The following DNAH10 variants were observed in gnomAD, a reference collection of about 807,000 sequenced individuals.
DNAH10 encodes the protein axonemal beta dynein heavy chain 10.
In DNAH10, 348 loss-of-function variants were observed where a neutral mutation model predicts 506.6. The ratio of observed to expected loss-of-function variants is 0.69; its 90% confidence interval spans 0.63 to 0.75. DNAH10 has a LOEUF of 0.75. DNAH10 is among the 30% of genes least tolerant of loss of function. The pLI, the probability that DNAH10 is intolerant of heterozygous loss-of-function variation, is 0.00. For missense variants in DNAH10, 5,179 were observed against 5,787.1 expected (o/e 0.89, Z 3.41); for synonymous variants, 2,059 against 2,198.6 (o/e 0.94, Z 1.78).
Position 123,879,732 on chromosome 12 carries a change from T to C in DNAH10, c.8565T>C (p.Ala2855=), listed in dbSNP as rs758715908. 1.2e-6 allele frequency: 2 copies of C among 1,614,034 alleles called. No homozygotes were observed. The highest frequency in any genetic ancestry group is 1.7e-5 in the Admixed American group (1 of 60,026). ...DPILFGDFQM[A]LHEGEPRIYE... Reference sequence around the variant, plus strand: ...TATTGTTTGGAGACTTCCAGATGGCTCTGCACGAAGGAGAACCACGCATTT... The same window carrying C: ...TATTGTTTGGAGACTTCCAGATGGCCCTGCACGAAGGAGAACCACGCATTT... Residue 2855 remains alanine (A), a synonymous_variant, in exon 50 of 79, where the codon GCT becomes GCC. Transcript: ENST00000673944.
chr12:123,796,154 T>C (rs1958269018), intron 12 of DNAH10, among the ~76,000 whole-genome samples: 1 of 152,132 alleles, frequency 6.6e-6, no homozygotes. Flanking sequence ...GCATTGCATA[T>C]GTTGAAGAAA....
Position 123,917,613 on chromosome 12 carries a change from C to G in DNAH10, c.11032C>G (p.Leu3678Val). The G allele has an allele frequency of 6.4e-7, 1 of 1,551,620 alleles. No homozygotes were observed. Among genetic ancestry groups the G allele is most frequent in the Admixed American group, 2.0e-5 (1 of 51,012 alleles). ...GCTGAAGGGCCTGGAGGACCAGCTG[C>G]TGAGCGTGCTGGTGGCTTACGAGAG... The part of the protein sequence containing the change: ...VTLKGLEDQL[L>V]SVLVAYERRE... The change falls in exon 64 of 79, where the codon CTG (leucine) becomes GTG (valine). Residue 3678 changes from leucine to valine, a missense_variant. Leu to Val is a conservative substitution (Grantham distance 32, BLOSUM62 1). Around this residue, in one of 3 missense-constraint regions of DNAH10, gnomAD observed 4,844 missense variants for 5,430.5 expected, o/e 0.89. Coordinates refer to ENST00000673944, the MANE Select transcript of DNAH10 (RefSeq NM_001372106.1). The surrounding 1 kb of genome is among the most constrained non-coding windows in gnomAD (Gnocchi z 5.6).
chr12:123,851,642 G>A (rs769935092), intron 35 of DNAH10, among the ~76,000 whole-genome samples: 28 of 152,350 alleles, frequency 1.8e-4, no homozygotes, highest in Admixed American at 1.0e-3. Context: ...TAACTCAGGT[G>A]TAGACGTTGT....
In DNAH10 at chr12:123,929,282, C is replaced by A; in HGVS notation, c.12314C>A (p.Thr4105Asn). Residue 4105 changes from threonine to asparagine, a missense_variant, in exon 71 of 79, where the codon ACC (threonine) becomes AAC (asparagine). Physicochemically the swap from Thr to Asn is moderately conservative, Grantham distance 65. Transcript: ENST00000673944. ...GILQKSLKVV[T>N]EPPNGLKLNM... ...TTTTCTTCTCTTCTGAAGGTTGTCA[C>A]CGAGCCACCCAATGGGCTGAAACTC... is the stretch of plus-strand genomic sequence containing the variant. 6.3e-7 allele frequency: 1 copy of A among 1,590,636 alleles called. No individual in the cohort carries two copies. The highest frequency in any genetic ancestry group is 8.6e-7 in the Non-Finnish European group (1 of 1,168,636).
chr12:123,822,073 G>A (rs1959468917), intron 24 of DNAH10, among the ~76,000 whole-genome samples: 2 of 152,158 alleles, frequency 1.3e-5, no homozygotes, highest in African/African-American at 4.8e-5. Flanking sequence ...CAGATATGGT[G>A]GCACATGCCT....
Position 123,928,508 on chromosome 12 carries a change from C to T in DNAH10, c.12227C>T (p.Pro4076Leu). The change falls in exon 70 of 79, where the codon CCC (proline) becomes CTC (leucine). Residue 4076 changes from proline to leucine, a missense_variant. Physicochemically the swap from Pro to Leu is moderately conservative, Grantham distance 98. This residue lies in a region of DNAH10 where 4,844 missense variants were observed against 5,430.5 expected (regional missense o/e 0.89). Coordinates refer to ENST00000673944, the MANE Select transcript of DNAH10 (RefSeq NM_001372106.1). This position sits in a 1 kb window ranked among gnomAD's most constrained non-coding sequence, Gnocchi z 4.9. ...AAGTCCCTGGAGAGGATCACCAAGC[C>T]CCACCCAGACTTCCGCCTGTGGCTC... The part of the protein sequence containing the change: ...LEKSLERITK[P>L]HPDFRLWLTT... The T allele has an allele frequency of 6.2e-7, 1 of 1,611,520 alleles. No homozygotes were observed. The highest frequency in any genetic ancestry group is 8.5e-7 in the Non-Finnish European group (1 of 1,178,946).
At chr12:123,835,861 C>G (rs2136551591) in intron 28 of DNAH10, among the ~76,000 whole-genome samples, 1 of 152,308 alleles carries the variant, frequency 6.6e-6, no homozygotes, top group Admixed American at 6.5e-5. Context: ...CTAGCCTCAA[C>G]TGACTCTCCC....
rs908025147 is a variant in DNAH10, at chr12:123,762,683, G to A, written c.214+133G>A. ...TCAGGTGCTGTCCACAAACGCTGCC[G>A]CCCGCCACGTGCAGGCCCCGGGCGA... On this transcript the variant is annotated intron_variant, in intron 1 of 78. Transcript: ENST00000673944. The surrounding 1 kb of genome is among the most constrained non-coding windows in gnomAD (Gnocchi z 5.0). 14 of 909,918 alleles carry A rather than the reference G, an allele frequency of 1.5e-5. No homozygotes were observed. The highest frequency in any genetic ancestry group is 6.8e-5 in the Admixed American group (2 of 29,398). The allele number at this position is 909,918 out of a possible 1,614,324, so 56.4% of individuals were successfully genotyped here.
chr12:123,767,703 A>G lies in DNAH10; in HGVS notation c.298+14A>G. On this transcript the variant is annotated intron_variant, in intron 2 of 78. Coordinates refer to ENST00000673944, the MANE Select transcript of DNAH10 (RefSeq NM_001372106.1). ...ATAAAGTGCGAGGTGTGGAGTTGGG[A>G]GGGGTCATGGGAGGGTGGAACTGAG... 1 of 1,606,218 alleles carries G rather than the reference A, an allele frequency of 6.2e-7. No individual in the cohort carries two copies. Among genetic ancestry groups the G allele is most frequent in the Non-Finnish European group, 8.5e-7 (1 of 1,175,998 alleles).
chr12:123,876,319 A>G (rs1952253376), intron 47 of DNAH10, among the ~76,000 whole-genome samples: 1 of 152,166 alleles, frequency 6.6e-6, no homozygotes, highest in Non-Finnish European at 1.5e-5. Flanking sequence ...TTCACAGTTA[A>G]TGTGAAAATC....
chr12:123,879,601 A>T, intron 49 of DNAH10, 33 bp from the exon 50 acceptor site: 1 of 1,612,658 alleles, frequency 6.2e-7, no homozygotes, highest in Admixed American at 1.7e-5. Context: ...ACTGTTGTTG[A>T]GTTTGGGTCC....
chr12:123,879,607 G>T, intron 49 of DNAH10, 27 bp from the exon 50 acceptor site: 2 of 1,613,220 alleles, frequency 1.2e-6, no homozygotes, highest in Non-Finnish European at 1.7e-6. Context: ...GTTGAGTTTG[G>T]GTCCTTAAGT....
At chr12:123,827,255 TAA>T (rs1181600632) in intron 25 of DNAH10, among the ~76,000 whole-genome samples, 3 of 152,226 alleles carry the variant, frequency 2.0e-5, no homozygotes, top group African/African-American at 7.2e-5. Flanking sequence ...GCTGCTACAG[TAA>T]AAGAGTAAAA....
chr12:123,900,401 G>T (rs961247015), intron 56 of DNAH10, among the ~76,000 whole-genome samples: 5 of 152,182 alleles, frequency 3.3e-5, no homozygotes, highest in African/African-American at 1.2e-4. Flanking sequence ...GTGGGGGCTA[G>T]AAACCGAATG....
intron 24 of DNAH10, among the ~76,000 whole-genome samples, chr12:123,822,805 G>C (rs1211809914): frequency 1.3e-5 from 2 of 152,194 alleles, no homozygotes; most frequent in Admixed American, 6.5e-5. Flanking sequence ...CCAGCTTGAA[G>C]ACAGTCAGGC....
At chr12:123,766,613 T>C (rs73420364) in intron 1 of DNAH10, among the ~76,000 whole-genome samples, 25,031 of 152,162 alleles carry the variant, frequency 0.16, 4,174 homozygotes, top group African/African-American at 0.43. Flanking sequence ...GAATAATGTC[T>C]GTCTATCCTT....
intron 37 of DNAH10, among the ~76,000 whole-genome samples, chr12:123,857,653 G>A (rs1401686581): frequency 1.3e-5 from 2 of 152,200 alleles, no homozygotes; most frequent in Non-Finnish European, 1.5e-5. Context: ...GCTGGAACGC[G>A]CGAGGTGGAG....
chr12:123,811,657 C>T (rs150025339), intron 19 of DNAH10, among the ~76,000 whole-genome samples: 4,509 of 152,236 alleles, frequency 0.03, 225 homozygotes, highest in African/African-American at 0.1. Flanking sequence ...CCCACCACCA[C>T]GCCTGGCTAA....
At chr12:123,832,360 A>G (rs1034570435) in intron 26 of DNAH10, among the ~76,000 whole-genome samples, 1 of 152,202 alleles carries the variant, frequency 6.6e-6, no homozygotes, top group Admixed American at 6.5e-5. Flanking sequence ...ATATACACAC[A>G]ATGTTCAGTG....
Sources: gnomAD v4.1 joint callset for allele counts (sites outside exome capture counted in the v4.1 genomes callset) on GRCh38, gnomAD v4.1.1 for gene constraint, gnomAD v4.1.1 regional missense constraint, Gnocchi (gnomAD v3.1) non-coding constraint, MANE v1.5 for transcripts, NCBI Gene and HGNC (gene_info 2026-07-23, HGNC 2026-07-21) for gene names.